Variants in PLPPR1 observed in about 807,000 individuals in gnomAD.
PLPPR1 encodes the protein phospholipid phosphatase-related protein type 1.
PLPPR1 carries 10 observed loss-of-function variants against 33.1 expected under a neutral mutation model. The observed-to-expected ratio is 0.30, with a 90% confidence interval of 0.19 to 0.51. The LOEUF is 0.51. Ranked by LOEUF, PLPPR1 falls within the 20% of genes least tolerant of loss-of-function variation. PLPPR1 has a pLI of 0.97. For synonymous variants in PLPPR1, 151 were observed against 151.0 expected (o/e 1.00, Z 0.00); for missense variants, 304 against 408.1 (o/e 0.74, Z 2.20).
chr9:101,245,424 A>G (rs1564014623), intron 2 of PLPPR1, among the ~76,000 whole-genome samples: 1 of 151,996 alleles, frequency 6.6e-6, no homozygotes, highest in Non-Finnish European at 1.5e-5. Flanking sequence ...TAAAATTCAG[A>G]AAAATGTTGA....
At chr9:101,215,769 A>G (rs1288733302) in intron 2 of PLPPR1, among the ~76,000 whole-genome samples, 2 of 151,888 alleles carry the variant, frequency 1.3e-5, no homozygotes, top group Non-Finnish European at 2.9e-5. Context: ...GGCTTATTTC[A>G]CTTCACATAA....
intron 1 of PLPPR1, among the ~76,000 whole-genome samples, chr9:101,091,987 T>G (rs189908827): frequency 1.4e-4 from 22 of 152,320 alleles, no homozygotes; most frequent in African/African-American, 5.3e-4. Flanking sequence ...ACGTGAAGCA[T>G]GGGTCCCCTC....
At chr9:101,083,782 AT>A (rs1830647811) in intron 1 of PLPPR1, among the ~76,000 whole-genome samples, 1 of 152,198 alleles carries the variant, frequency 6.6e-6, no homozygotes, top group Non-Finnish European at 1.5e-5. Flanking sequence ...TTACTTATAA[AT>A]GCTCAGATTC....
At chr9:101,184,008 A>G (rs1438988178) in intron 1 of PLPPR1, among the ~76,000 whole-genome samples, 1 of 151,748 alleles carries the variant, frequency 6.6e-6, no homozygotes, top group Non-Finnish European at 1.5e-5. Context: ...AATACTAAGT[A>G]AATTCTAAGA....
intron 4 of PLPPR1, among the ~76,000 whole-genome samples, chr9:101,292,337 G>A (rs1338106278): frequency 1.3e-5 from 2 of 152,156 alleles, no homozygotes; most frequent in African/African-American, 2.4e-5. Context: ...AAAGTGATGG[G>A]GAGAATGGAA....
intron 1 of PLPPR1, among the ~76,000 whole-genome samples, chr9:101,071,002 C>T (rs999399691): frequency 2.6e-5 from 4 of 152,016 alleles, no homozygotes; most frequent in African/African-American, 9.7e-5. Flanking sequence ...AAAGCCTTTT[C>T]AGGAGTTTAA....
chr9:101,080,899 C>T lies in PLPPR1; in HGVS notation c.-46+51797C>T, dbSNP rs115474661. Among the ~76,000 whole-genome samples, 1,050 of 152,300 alleles carry T rather than the reference C, an allele frequency of 6.9e-3. 13 individuals carry two copies. The highest frequency in any genetic ancestry group is 0.024 in the African/African-American group (1,014 of 41,556). Reference sequence around the variant, plus strand: ...GAGCAAATGCTTCCTAAACACTCTTCTAACACATCTTCCTGTGTTTAGCCG... The same window carrying T: ...GAGCAAATGCTTCCTAAACACTCTTTTAACACATCTTCCTGTGTTTAGCCG... On this transcript the variant is annotated intron_variant, in intron 1 of 7. Transcript: ENST00000374874.
rs965335255 is a variant in PLPPR1, at chr9:101,286,044, A to G, written c.253-60A>G. 5.5e-6 allele frequency: 8 copies of G among 1,441,822 alleles called. No homozygotes were observed. The African/African-American group carries it at 5.7e-5, about 10-fold the overall frequency. The allele number at this position is 1,441,822 out of a possible 1,614,324, so 89.3% of individuals were successfully genotyped here. Reference sequence around the variant, plus strand: ...ACAGTTTTGTTTTGTTTTTAAAGCCATGGGCCTCTCTTATCAAACAGATCT... The same window carrying G: ...ACAGTTTTGTTTTGTTTTTAAAGCCGTGGGCCTCTCTTATCAAACAGATCT... On this transcript the variant is annotated intron_variant, in intron 3 of 7. Transcript: ENST00000374874.
At chr9:101,249,435 T>C (rs117058418) in intron 2 of PLPPR1, among the ~76,000 whole-genome samples, 2,667 of 152,210 alleles carry the variant, frequency 0.018, 30 homozygotes, top group Middle Eastern at 0.085. Flanking sequence ...GTAATGACTG[T>C]CTGGAGTACC....
chr9:101,095,072 A>C (rs1253325261), intron 1 of PLPPR1, among the ~76,000 whole-genome samples: 2 of 152,142 alleles, frequency 1.3e-5, no homozygotes, highest in Non-Finnish European at 2.9e-5. Context: ...GTCAGTGTTT[A>C]TATAGTTGTC....
chr9:101,226,601 A>G lies in PLPPR1; in HGVS notation c.63+41044A>G, dbSNP rs535873361. On this transcript the variant is annotated intron_variant, in intron 2 of 7. Transcript: ENST00000374874. The stretch of plus-strand genomic sequence containing the variant: ...TGTTCTTATGTGGCAGAAAGGAGTG[A>G]GAGAGCTTGCTGGGTCTCTTTTATA... Among the ~76,000 whole-genome samples the G allele has an allele frequency of 6.6e-5, 10 of 152,202 alleles. No homozygotes were observed. In the East Asian group the frequency reaches 7.8e-4, roughly 12 times the overall value.
chr9:101,127,770 C>T (rs1031690812), intron 1 of PLPPR1, among the ~76,000 whole-genome samples: 2 of 152,122 alleles, frequency 1.3e-5, no homozygotes, highest in Non-Finnish European at 2.9e-5. Flanking sequence ...GGTTTTAGAC[C>T]CTGGATCCTG....
At chr9:101,134,550 AT>A (rs2118619490) in intron 1 of PLPPR1, among the ~76,000 whole-genome samples, 1 of 151,784 alleles carries the variant, frequency 6.6e-6, no homozygotes, top group Admixed American at 6.6e-5. Context: ...GCCTGGCTAA[AT>A]TTTTTATTTT....
At chr9:101,039,382 C>A (rs1335477637) in intron 1 of PLPPR1, among the ~76,000 whole-genome samples, 2 of 152,124 alleles carry the variant, frequency 1.3e-5, no homozygotes, top group Non-Finnish European at 2.9e-5. Context: ...CTTGCCTGAA[C>A]ACAGAGTCCA....
chr9:101,073,741 A>G (rs1001411384), intron 1 of PLPPR1, among the ~76,000 whole-genome samples: 4 of 152,174 alleles, frequency 2.6e-5, no homozygotes, highest in Non-Finnish European at 5.9e-5. Context: ...CAATGTGTTC[A>G]GCTAGAAAAA....
intron 1 of PLPPR1, among the ~76,000 whole-genome samples, chr9:101,099,122 G>A (rs1190760426): frequency 1.3e-5 from 2 of 151,562 alleles, no homozygotes; most frequent in African/African-American, 2.4e-5. Flanking sequence ...AGGCGGGGGA[G>A]GAGTGTGTTG....
intron 4 of PLPPR1, among the ~76,000 whole-genome samples, chr9:101,304,716 C>T (rs1342607415): frequency 6.6e-6 from 1 of 152,180 alleles, no homozygotes; most frequent in Middle Eastern, 3.2e-3. Context: ...AGAGCTACAG[C>T]TTGAAAGCAG....
chr9:101,074,358 A>T (rs1018315576), intron 1 of PLPPR1, among the ~76,000 whole-genome samples: 4 of 152,194 alleles, frequency 2.6e-5, no homozygotes, highest in Admixed American at 2.6e-4. Flanking sequence ...AAACTCACCA[A>T]TTTTTCCCTA....
chr9:101,065,158 T>G (rs1054501168), intron 1 of PLPPR1, among the ~76,000 whole-genome samples: 49 of 152,224 alleles, frequency 3.2e-4, no homozygotes, highest in African/African-American at 1.1e-3. Flanking sequence ...AAGGACTTAT[T>G]ATTACCAGGC....
Sources: gnomAD v4.1 joint callset for allele counts (sites outside exome capture counted in the v4.1 genomes callset) on GRCh38, gnomAD v4.1.1 for gene constraint, MANE v1.5 for transcripts, NCBI Gene and HGNC (gene_info 2026-07-23, HGNC 2026-07-21) for gene names.